The following PSMD14 variants were observed in gnomAD, a reference collection of about 807,000 sequenced individuals.
The protein encoded by PSMD14 is proteasome 26S subunit, non-ATPase 14.
Under a neutral mutation model 41.2 loss-of-function variants are expected in PSMD14, and 7 were observed. That is an observed-to-expected ratio of 0.17 (90% CI 0.10 to 0.32). The LOEUF is 0.32. PSMD14 is among the 10% of genes least tolerant of loss of function. The pLI, the probability that PSMD14 is intolerant of heterozygous loss-of-function variation, is 1.00. For synonymous variants in PSMD14, 114 were observed against 122.3 expected (o/e 0.93, Z 0.45); for missense variants, 139 against 375.6 (o/e 0.37, Z 5.21).
At position 161,346,572 on chromosome 2, in the gene PSMD14, G is replaced by A. The variant is rs113680918; in HGVS notation, c.49-20906G>A. On this transcript the variant is annotated intron_variant, in intron 3 of 11. Coordinates refer to ENST00000409682, the MANE Select transcript of PSMD14 (RefSeq NM_005805.6). ...TGTTTCACATTGTGAGTCTTATCTC[G>A]TGTGCTGGCTACTTTTTATTCTTAG... is the stretch of plus-strand genomic sequence containing the variant. Among the ~76,000 whole-genome samples the A allele has an allele frequency of 2.7e-3, 398 of 148,140 alleles. 5 individuals carry two copies. The highest frequency in any genetic ancestry group is 9.3e-3 in the African/African-American group (369 of 39,848).
At chr2:161,377,005 C>G (rs960714485) in intron 7 of PSMD14, among the ~76,000 whole-genome samples, 7 of 148,816 alleles carry the variant, frequency 4.7e-5, no homozygotes, top group African/African-American at 1.7e-4. Context: ...ATGACTGGAA[C>G]GTGTGATTGA....
intron 3 of PSMD14, among the ~76,000 whole-genome samples, chr2:161,338,006 T>C (rs1206874871): frequency 6.6e-6 from 1 of 152,164 alleles, no homozygotes; most frequent in Non-Finnish European, 1.5e-5. Context: ...ATTTTGTAAC[T>C]CTCTGACTAC....
At chr2:161,410,751 G>A (rs1433885920) in intron 11 of PSMD14, among the ~76,000 whole-genome samples, 1 of 151,734 alleles carries the variant, frequency 6.6e-6, no homozygotes, top group African/African-American at 2.4e-5. Context: ...AACTACAAAC[G>A]GCAGCTTTTG....
intron 1 of PSMD14, among the ~76,000 whole-genome samples, 173 bp from the exon 2 acceptor site, chr2:161,316,264 C>T (rs1231717311): frequency 1.3e-5 from 2 of 152,182 alleles, no homozygotes; most frequent in Non-Finnish European, 2.9e-5. Flanking sequence ...TCACTGTGCT[C>T]TGTAGCTCCC....
chr2:161,396,150 AC>A (rs1683790321), intron 10 of PSMD14, among the ~76,000 whole-genome samples: 1 of 152,196 alleles, frequency 6.6e-6, no homozygotes, highest in Non-Finnish European at 1.5e-5. Flanking sequence ...CAACATTTGA[AC>A]TAGGCCTTAA....
intron 3 of PSMD14, among the ~76,000 whole-genome samples, chr2:161,334,861 G>A (rs1445569068): frequency 6.6e-6 from 1 of 152,230 alleles, no homozygotes; most frequent in Non-Finnish European, 1.5e-5. Flanking sequence ...CATCACGCCT[G>A]CCGTTTGATG....
chr2:161,381,201 A>G (rs1393619741), intron 7 of PSMD14, among the ~76,000 whole-genome samples: 4 of 150,102 alleles, frequency 2.7e-5, no homozygotes, highest in Non-Finnish European at 3.0e-5. Context: ...TGTTTACCCC[A>G]TATATGATGA....
chr2:161,411,073 A>C (rs909386460), intron 11 of PSMD14, among the ~76,000 whole-genome samples: 1 of 152,138 alleles, frequency 6.6e-6, no homozygotes, highest in Non-Finnish European at 1.5e-5. Flanking sequence ...TAGTCATTGC[A>C]TTGTATAAAT....
rs571750507 is a variant in PSMD14, at chr2:161,367,143, G to T, written c.49-335G>T. ...GTTTGTGTTGATGCTTTAGTTAATT[G>T]TGCTAGTCCAACAGCATTTCACATA... On this transcript the variant is annotated intron_variant, in intron 3 of 11. Transcript: ENST00000409682. Among the ~76,000 whole-genome samples the T allele has an allele frequency of 1.3e-5, 2 of 152,296 alleles. 1 individual carries two copies. The highest frequency in any genetic ancestry group is 3.9e-4 in the East Asian group (2 of 5,182).
chr2:161,383,980 AAG>A (rs887039833), intron 7 of PSMD14: 3 of 151,636 alleles, frequency 2.0e-5, no homozygotes, highest in Admixed American at 6.6e-5. Context: ...TTTTTTAAAA[AAG>A]AGAATATGTT....
rs1408492121 is a variant in PSMD14 at position 161,308,518 on chromosome 2, C to T, written c.-224C>T. On this transcript the variant is annotated 5_prime_UTR_variant, in exon 1 of 12. Transcript: ENST00000409682. ...AGACAGAGCCGCGTCGGGTGTGCGC[C>T]GCTGCTGCTGTTGCCTCTGTCTTCG... The T allele has an allele frequency of 6.6e-6, 1 of 152,310 alleles. No homozygotes were observed. Among genetic ancestry groups the T allele is most frequent in the East Asian group, 1.9e-4 (1 of 5,196 alleles). 9.4% of individuals were successfully genotyped at this position (152,310 alleles called of 1,614,324 possible).
At chr2:161,343,174 T>G (rs1476768296) in intron 3 of PSMD14, among the ~76,000 whole-genome samples, 1 of 152,208 alleles carries the variant, frequency 6.6e-6, no homozygotes, top group Non-Finnish European at 1.5e-5. Context: ...TCAGAACTTT[T>G]TCATCGTCCC....
intron 6 of PSMD14, 37 bp downstream of exon 6, chr2:161,370,214 G>T (rs1447856215): frequency 7.2e-7 from 1 of 1,387,314 alleles, no homozygotes; most frequent in Non-Finnish European, 9.8e-7. Context: ...GAAATAATGG[G>T]AAATATTTAT....
chr2:161,319,148 G>A, intron 3 of PSMD14: 4 of 295,912 alleles, frequency 1.4e-5, no homozygotes, highest in South Asian at 1.0e-4. Flanking sequence ...TTGGCTTTTA[G>A]GAAAAAAAAA....
intron 3 of PSMD14, among the ~76,000 whole-genome samples, chr2:161,364,823 G>A (rs544335691): frequency 1.3e-5 from 2 of 152,250 alleles, no homozygotes; most frequent in African/African-American, 2.4e-5. Flanking sequence ...AGCACTCATG[G>A]CTGGGTGCAG....
intron 8 of PSMD14, among the ~76,000 whole-genome samples, chr2:161,389,156 C>G (rs899436625): frequency 9.2e-5 from 14 of 152,226 alleles, no homozygotes; most frequent in Admixed American, 9.2e-4. Context: ...CAGTTAGTCT[C>G]AAAAATATAG....
chr2:161,406,229 G>A (rs770387443), intron 10 of PSMD14, among the ~76,000 whole-genome samples: 6 of 152,168 alleles, frequency 3.9e-5, no homozygotes, highest in Non-Finnish European at 8.8e-5. Flanking sequence ...AGGGGATTAT[G>A]ATCACATAAC....
At chr2:161,352,211 G>A (rs1265408077) in intron 3 of PSMD14, among the ~76,000 whole-genome samples, 2 of 151,992 alleles carry the variant, frequency 1.3e-5, no homozygotes, top group Non-Finnish European at 2.9e-5. Context: ...TTTCAACCTT[G>A]GCTGTACTTT....
intron 3 of PSMD14, among the ~76,000 whole-genome samples, chr2:161,353,313 C>T (rs1032572255): frequency 6.6e-6 from 1 of 152,134 alleles, no homozygotes; most frequent in African/African-American, 2.4e-5. Context: ...GAATATTTTT[C>T]ATAAAGCCAA....
Sources: allele counts gnomAD v4.1 joint callset (sites outside exome capture counted in the v4.1 genomes callset), GRCh38; gene constraint gnomAD v4.1.1; transcripts MANE v1.5; gene names NCBI Gene and HGNC (gene_info 2026-07-23, HGNC 2026-07-21).